The following TTN variants were observed in gnomAD, a reference collection of about 807,000 sequenced individuals.
TTN encodes the protein titin, also known as connectin.
Under a neutral mutation model 3,223.0 loss-of-function variants are expected in TTN, and 1,525 were observed. That is an observed-to-expected ratio of 0.47 (90% confidence interval 0.45 to 0.49). The LOEUF (loss-of-function observed/expected upper bound fraction) is 0.49. Among genes scored for constraint, TTN ranks in the 20% least tolerant of loss-of-function variants. The pLI, the probability that TTN is intolerant of heterozygous loss-of-function variation, is 0.00. For missense variants in TTN, 40,786 were observed against 43,424.0 expected (o/e 0.94, Z 5.40); for synonymous variants, 14,094 against 15,161.0 (o/e 0.93, Z 5.17).
chr2:178,624,837 G>A, intron 241 of TTN, 106 bp from the exon 242 acceptor site: 2 of 1,329,790 alleles, frequency 1.5e-6, no homozygotes, highest in South Asian at 2.7e-5. Context: ...TCTGTCCTAA[G>A]TTTTATTTTC....
At chr2:178,641,219 A>G in intron 220 of TTN, 22 bp downstream of exon 220, 1 of 1,452,010 alleles carries the variant, frequency 6.9e-7, no homozygotes, top group Non-Finnish European at 9.3e-7. Flanking sequence ...ATAATCTTAC[A>G]AATTGTCACT....
Position 178,568,986 on chromosome 2 carries a change from A to G in TTN, c.77146T>C (p.Ser25716Pro). The G allele has an allele frequency of 6.2e-7, 1 of 1,613,410 alleles. No homozygotes were observed. The highest frequency in any genetic ancestry group is 8.5e-7 in the Non-Finnish European group (1 of 1,179,544). Residue 25716 changes from serine to proline, a missense_variant, in exon 326 of 363, where the codon TCT (serine) becomes CCT (proline). Transcript: ENST00000589042. ...TGTTCAGGTTTTGTCCAACTCAGAG[A>G]GACACTGTTTCTGGTGACATCATCC... ...TVDDVTRNSV[S>P]LSWTKPEHDG...
In TTN at chr2:178,537,223, C is replaced by A. The variant is rs762113070; in HGVS notation, c.99886G>T (p.Gly33296Ter). 6.2e-7 allele frequency: 1 copy of A among 1,602,318 alleles called. No homozygotes were observed. The highest frequency in any genetic ancestry group is 1.1e-5 in the South Asian group (1 of 89,960). Residue 33296 changes from glycine to a stop codon, truncating the protein, a stop_gained, in exon 356 of 363, where the codon GGA (glycine) becomes TGA (stop). Transcript: ENST00000589042. LOFTEE classifies it high-confidence loss of function. Reference sequence around the variant, plus strand: ...AATAGAGCTTCGATCACAATTGGTCCTGTAGGTTTGTCTGGTTTATCTGTT... The same window carrying A: ...AATAGAGCTTCGATCACAATTGGTCATGTAGGTTTGTCTGGTTTATCTGTT... ...EIQDKPDKPT[G>*]PIVIEALLKN...
rs1432440752 is a variant in TTN, at chr2:178,617,478, TGAG to T, written c.47604_47606del (p.Ser15869del). The T allele has an allele frequency of 6.3e-7, 1 of 1,594,578 alleles. No individual in the cohort carries two copies. Among genetic ancestry groups the T allele is most frequent in the African/African-American group, 1.4e-5 (1 of 73,900 alleles). Reference sequence around the variant, plus strand: ...GCTGAACTGATGACTGAGTCTGATCTGAGGAAGTTAGGTTTACAGGAGGACTTG... The same window carrying T: ...GCTGAACTGATGACTGAGTCTGATCTGAAGTTAGGTTTACAGGAGGACTTG... On this transcript the variant is annotated inframe_deletion, in exon 254 of 363. Coordinates refer to ENST00000589042, the MANE Select transcript of TTN (RefSeq NM_001267550.2).
Position 178,557,940 on chromosome 2 carries a change from A to G in TTN, c.87414T>C (p.Pro29138=), listed in dbSNP as rs1182592618. The G allele has an allele frequency of 3.1e-6, 5 of 1,613,010 alleles. No individual in the cohort carries two copies. Among genetic ancestry groups the G allele is most frequent in the Non-Finnish European group, 4.2e-6 (5 of 1,179,864 alleles). Residue 29138 remains proline, a synonymous_variant, in exon 328 of 363, where the codon CCT becomes CCC. Coordinates refer to ENST00000589042, the MANE Select transcript of TTN (RefSeq NM_001267550.2). ...TAACAACAGGGCCAGTTGGAGGACC[A>G]GGCCTGTCTAGCACAACAATGTTAA... ...AFINIVVLDR[P]GPPTGPVVIS... is the part of the protein sequence containing the mutation.
chr2:178,605,186 C>G lies in TTN; in HGVS notation c.53991G>C (p.Lys17997Asn). 3 of 1,612,334 alleles carry G rather than the reference C, an allele frequency of 1.9e-6. No individual in the cohort carries two copies. Among genetic ancestry groups the G allele is most frequent in the Non-Finnish European group, 2.5e-6 (3 of 1,179,102 alleles). ...PADVTGLPMP[K>N]IEWSKNETVI... Reference sequence around the variant, plus strand: ...CAGTTTCATTTTTGGACCATTCAATCTTAGGCATTGGAAGGCCTGTCACAT... The same window carrying G: ...CAGTTTCATTTTTGGACCATTCAATGTTAGGCATTGGAAGGCCTGTCACAT... Residue 17997 changes from lysine (K) to asparagine (N), a missense_variant, in exon 280 of 363, where the codon AAG (lysine) becomes AAC (asparagine). By Grantham distance (94) the Lys-to-Asn change is moderately conservative (BLOSUM62 0). Transcript: ENST00000589042.
intron 1 of TTN, among the ~76,000 whole-genome samples, chr2:178,805,501 GT>G (rs1220698610): frequency 2.0e-5 from 3 of 151,978 alleles, no homozygotes; most frequent in Admixed American, 1.3e-4. Flanking sequence ...ACTTAAAATA[GT>G]TGCCAGAAGT....
In TTN at chr2:178,577,698, C is replaced by T. The variant is rs794729245; in HGVS notation, c.68728G>A (p.Gly22910Arg). 1 of 1,613,280 alleles carries T rather than the reference C, an allele frequency of 6.2e-7. No individual in the cohort carries two copies. Among genetic ancestry groups the T allele is most frequent in the African/African-American group, 1.3e-5 (1 of 75,008 alleles). The change falls in exon 323 of 363, where the codon GGA becomes AGA. Residue 22910 changes from glycine (G) to arginine (R), a missense_variant. Coordinates refer to ENST00000589042, the MANE Select transcript of TTN (RefSeq NM_001267550.2). ...AFTVTDLVEG[G>R]KYEFRIRAKN... is the part of the protein sequence containing the mutation. ...GCTCTAATTCTGAATTCATATTTTC[C>T]ACCCTCAACAAGGTCAGTTACAGTA...
Position 178,634,864 on chromosome 2 carries a change from T to A in TTN, c.42025-15A>T. Reference sequence around the variant, plus strand: ...ATTTCACAAGTCTGAAAAACAATAGTTTTAGTAACCATTTGAAAGAGATAA... The same window carrying A: ...ATTTCACAAGTCTGAAAAACAATAGATTTAGTAACCATTTGAAAGAGATAA... On this transcript the variant is annotated splice_polypyrimidine_tract_variant and intron_variant, in intron 228 of 362. Transcript: ENST00000589042. The surrounding 1 kb of genome is among the most constrained non-coding windows in gnomAD (Gnocchi z 4.6). 4.4e-6 allele frequency: 7 copies of A among 1,601,516 alleles called. No homozygotes were observed. The highest frequency in any genetic ancestry group is 6.0e-6 in the Non-Finnish European group (7 of 1,176,420).
At position 178,594,148 on chromosome 2, in the gene TTN, C is replaced by T; in HGVS notation, c.58245G>A (p.Lys19415=). The part of the protein sequence containing the change: ...ALTGRYSGKP[K]PKVSWFKDEA... ...CATCTTTGAACCAGGAAACCTTAGG[C>T]TTTGGTTTGCCTGAGTAACGGCCAG... Residue 19415 remains lysine, a synonymous_variant, in exon 297 of 363, where the codon AAG becomes AAA. Coordinates refer to ENST00000589042, the MANE Select transcript of TTN (RefSeq NM_001267550.2). 1.9e-6 allele frequency: 3 copies of T among 1,613,374 alleles called. No homozygotes were observed. The highest frequency in any genetic ancestry group is 2.5e-6 in the Non-Finnish European group (3 of 1,179,614).
intron 170 of TTN, 23 bp from the exon 171 acceptor site, chr2:178,663,733 A>T: frequency 6.2e-7 from 1 of 1,612,898 alleles, no homozygotes; most frequent in Non-Finnish European, 8.5e-7. Context: ...TAGCAAAATT[A>T]CATTCAGAAG....
rs781459488 is a variant in TTN at position 178,773,555 on chromosome 2, G to C, written c.7501C>G (p.Arg2501Gly). ...VQAIVKGTKQ[R>G]LVINRTHASD... ...GCATGAGTTCGGTTAATGACTAGTCGCTGTTTAGTACCTTTCACAATGGCC... is the reference window on the plus strand; with the variant it reads ...GCATGAGTTCGGTTAATGACTAGTCCCTGTTTAGTACCTTTCACAATGGCC... Residue 2501 changes from arginine (R) to glycine (G), a missense_variant, in exon 32 of 363, where the codon CGA becomes GGA. Coordinates refer to ENST00000589042, the MANE Select transcript of TTN (RefSeq NM_001267550.2). The C allele has an allele frequency of 6.8e-6, 11 of 1,613,934 alleles. No homozygotes were observed. In the South Asian group the frequency reaches 1.1e-4, roughly 16 times the overall value.
intron 231 of TTN, 37 bp from the exon 232 acceptor site, chr2:178,633,713 G>A (rs1434218467): frequency 6.2e-7 from 1 of 1,606,584 alleles, no homozygotes; most frequent in Non-Finnish European, 8.5e-7. Context: ...AGAAGAATGT[G>A]AAAATTAAAG....
intron 47 of TTN, chr2:178,751,962 G>T: frequency 6.3e-7 from 1 of 1,588,086 alleles, no homozygotes; most frequent in Non-Finnish European, 8.5e-7. Flanking sequence ...ATGGATTTGT[G>T]GTCTATGTCT....
At chr2:178,645,744 C>T (rs538726802) in intron 217 of TTN, 176 bp downstream of exon 217, 12 of 398,408 alleles carry the variant, frequency 3.0e-5, no homozygotes, top group Admixed American at 9.3e-5. Flanking sequence ...CATGGCATGA[C>T]AAGCAACCCA....
Position 178,617,887 on chromosome 2 carries a change from C to A in TTN, c.47464G>T (p.Asp15822Tyr), listed in dbSNP as rs1180743833. Reference sequence around the variant, plus strand: ...CTGTACTCCTGTCCTTCTACCACATCAGTAACAGTTGCAGACAGGTCTTCA... The same window carrying A: ...CTGTACTCCTGTCCTTCTACCACATAAGTAACAGTTGCAGACAGGTCTTCA... ...RAEDLSATVT[D>Y]VVEGQEYSFR... Residue 15822 changes from aspartate (D) to tyrosine (Y), a missense_variant, in exon 253 of 363, where the codon GAT becomes TAT. Asp to Tyr is a radical substitution (Grantham distance 160, BLOSUM62 -3). Coordinates refer to ENST00000589042, the MANE Select transcript of TTN (RefSeq NM_001267550.2). The A allele has an allele frequency of 2.5e-6, 4 of 1,612,696 alleles. No individual in the cohort carries two copies. The East Asian group carries it at 6.7e-5, about 27-fold the overall frequency.
intron 24 of TTN, 111 bp downstream of exon 24, chr2:178,778,763 T>G (rs2092484130): frequency 6.8e-7 from 1 of 1,473,626 alleles, no homozygotes; most frequent in African/African-American, 1.4e-5. Flanking sequence ...ATGGTAAGTT[T>G]CTGTGCCATT....
rs1313991701 is a variant in TTN at position 178,545,804 on chromosome 2, A to G, written c.95416+16T>C. 2 of 1,607,282 alleles carry G rather than the reference A, an allele frequency of 1.2e-6. No individual in the cohort carries two copies. Among genetic ancestry groups the G allele is most frequent in the Non-Finnish European group, 1.7e-6 (2 of 1,174,790 alleles). On this transcript the variant is annotated intron_variant, in intron 343 of 362. Coordinates refer to ENST00000589042, the MANE Select transcript of TTN (RefSeq NM_001267550.2). ...ACATTTCAACTGTCAAATTATTTAA[A>G]AGTGTTAATACTTACTGAATGAGTT... is the stretch of plus-strand genomic sequence containing the variant.
chr2:178,714,699 T>C lies in TTN; in HGVS notation c.26201-126A>G, dbSNP rs536775786. ...ATTTCCATTTAAGAGGCATTTTTGG[T>C]GGATGCGAGCAGGGACACATTAAAG... On this transcript the variant is annotated intron_variant, in intron 90 of 362. Transcript: ENST00000589042. The C allele has an allele frequency of 5.3e-6, 6 of 1,131,158 alleles. No homozygotes were observed. In the African/African-American group the frequency reaches 9.4e-5, roughly 18 times the overall value. The allele number at this position is 1,131,158 out of a possible 1,614,324, so 70.1% of individuals were successfully genotyped here.
Sources: allele counts gnomAD v4.1 joint callset (sites outside exome capture counted in the v4.1 genomes callset), GRCh38; gene constraint gnomAD v4.1.1; non-coding constraint Gnocchi (gnomAD v3.1); transcripts MANE v1.5; gene names NCBI Gene and HGNC (gene_info 2026-07-23, HGNC 2026-07-21).